The following HTN3 variants were observed in gnomAD, a reference collection of about 807,000 sequenced individuals.
HTN3 encodes histatin 3.
In HTN3, 15 loss-of-function variants were observed where a neutral mutation model predicts 10.6. That is an observed-to-expected ratio of 1.42 (90% CI 0.95 to 2.18). The LOEUF is 2.18. Ranked by LOEUF, HTN3 falls within the 30% of genes most tolerant of loss-of-function variation. The pLI is 0.00. For synonymous variants in HTN3, 15 were observed against 16.9 expected (o/e 0.89, Z 0.27); for missense variants, 68 against 58.0 (o/e 1.17, Z -0.56).
intron 2 of HTN3, among the ~76,000 whole-genome samples, chr4:70,031,760 A>G (rs1373202969): frequency 6.6e-6 from 1 of 152,058 alleles, no homozygotes; most frequent in Admixed American, 6.5e-5. Flanking sequence ...ATAAACCAAA[A>G]TGAGTTGATA....
At chr4:70,030,566 A>C (rs965847231) in intron 1 of HTN3, among the ~76,000 whole-genome samples, 162 bp from the exon 2 acceptor site, 8 of 152,202 alleles carry the variant, frequency 5.3e-5, no homozygotes, top group African/African-American at 9.6e-5. Context: ...GCTTGAGCCC[A>C]GGTGGTCCAG....
chr4:70,036,514 T>C lies in HTN3; in HGVS notation c.*281T>C, dbSNP rs1241497663. The stretch of plus-strand genomic sequence containing the variant: ...GAAATTCATTCCTCTCCAAAAGCAA[T>C]AAAATTCAAGCACATTATTATGTGT... On this transcript the variant is annotated 3_prime_UTR_variant, in exon 6 of 6. Coordinates refer to ENST00000673563, the MANE Select transcript of HTN3 (RefSeq NM_000200.3). 1 of 152,230 alleles carries C rather than the reference T, an allele frequency of 6.6e-6. No homozygotes were observed. The highest frequency in any genetic ancestry group is 1.5e-5 in the Non-Finnish European group (1 of 68,036). The allele number at this position is 152,230 out of a possible 1,614,324, so 9.4% of individuals were successfully genotyped here.
At chr4:70,033,295 A>G in intron 5 of HTN3, 42 bp downstream of exon 5, 1 of 891,882 alleles carries the variant, frequency 1.1e-6, no homozygotes, top group Non-Finnish European at 1.8e-6. Flanking sequence ...AAGTATCAAC[A>G]CTGACAGTTA....
rs934064251 is a variant in HTN3 at position 70,036,394 on chromosome 4, T to A, written c.*161T>A. The A allele has an allele frequency of 1.3e-5, 2 of 152,176 alleles. No individual in the cohort carries two copies. Among genetic ancestry groups the A allele is most frequent in the Non-Finnish European group, 2.9e-5 (2 of 68,024 alleles). The allele number at this position is 152,176 out of a possible 1,614,324, so 9.4% of individuals were successfully genotyped here. A position where few individuals can be genotyped will look rare whatever the true frequency, so the allele number is the denominator to read the frequency against. On this transcript the variant is annotated 3_prime_UTR_variant, in exon 6 of 6. Transcript: ENST00000673563. ...AAAGAAATACCATGATTTAGTGAATTCTGTGTTTCAGGATACTTCCCTTCC... is the reference window on the plus strand; with the variant it reads ...AAAGAAATACCATGATTTAGTGAATACTGTGTTTCAGGATACTTCCCTTCC...
At chr4:70,029,129 T>G (rs532557682) in intron 1 of HTN3, among the ~76,000 whole-genome samples, 1 of 152,136 alleles carries the variant, frequency 6.6e-6, no homozygotes, top group Admixed American at 6.5e-5. Flanking sequence ...GGGAAATATG[T>G]TTTTCAAAAC....
At chr4:70,034,467 AATC>A (rs1725461315) in intron 5 of HTN3, 1 of 152,170 alleles carries the variant, frequency 6.6e-6, no homozygotes, top group East Asian at 1.9e-4. Context: ...TCAACATCAC[AATC>A]ATTAGAGAAA....
intron 1 of HTN3, 70 bp from the exon 2 acceptor site, chr4:70,030,658 A>T (rs1298755153): frequency 2.0e-6 from 2 of 1,022,508 alleles, no homozygotes; most frequent in Non-Finnish European, 3.1e-6. Flanking sequence ...GCATAGTGTC[A>T]TCAGTAGAAG....
chr4:70,029,552 A>T (rs908484660), intron 1 of HTN3, among the ~76,000 whole-genome samples: 7 of 151,584 alleles, frequency 4.6e-5, no homozygotes, highest in African/African-American at 7.3e-5. Flanking sequence ...AAAATTTTTT[A>T]AAATATTATC....
intron 1 of HTN3, among the ~76,000 whole-genome samples, chr4:70,030,080 C>A (rs1282050866): frequency 6.6e-6 from 1 of 152,092 alleles, no homozygotes; most frequent in Non-Finnish European, 1.5e-5. Context: ...GTCACAACAA[C>A]CTAAGTGGTC....
chr4:70,035,036 TG>T (rs1578175505), intron 5 of HTN3, among the ~76,000 whole-genome samples: 1 of 151,714 alleles, frequency 6.6e-6, no homozygotes. Context: ...ACACCAGGGA[TG>T]GGGGGTAGGA....
At chr4:70,030,909 A>G in intron 2 of HTN3, 118 bp downstream of exon 2, 3 of 787,176 alleles carry the variant, frequency 3.8e-6, no homozygotes, top group Non-Finnish European at 6.3e-6. Flanking sequence ...TAATATTTCT[A>G]TGTAAAGATT....
chr4:70,030,762 T>G lies in HTN3; in HGVS notation c.22T>G (p.Leu8Val). Residue 8 changes from leucine (L) to valine (V), a missense_variant, in exon 2 of 6, where the codon TTA (leucine) becomes GTA (valine). Physicochemically the swap from Leu to Val is conservative, Grantham distance 32. Coordinates refer to ENST00000673563, the MANE Select transcript of HTN3 (RefSeq NM_000200.3). MKFFVFA[L>V]ILALMLSMTG... ...AACTATGAAGTTTTTTGTTTTTGCT[T>G]TAATCTTGGCTCTCATGCTTTCCAT... The G allele has an allele frequency of 6.2e-7, 1 of 1,612,724 alleles. No individual in the cohort carries two copies. Among genetic ancestry groups the G allele is most frequent in the Non-Finnish European group, 8.5e-7 (1 of 1,178,944 alleles).
intron 4 of HTN3, 96 bp downstream of exon 4, chr4:70,032,203 T>C: frequency 2.4e-6 from 2 of 834,104 alleles, no homozygotes; most frequent in Non-Finnish European, 3.8e-6. Flanking sequence ...CAAATATATT[T>C]ATATCATTAA....
intron 1 of HTN3, among the ~76,000 whole-genome samples, chr4:70,029,931 C>T (rs888202971): frequency 6.6e-6 from 1 of 152,152 alleles, no homozygotes; most frequent in Non-Finnish European, 1.5e-5. Context: ...CTGTGCTATT[C>T]TTTAATAGAA....
intron 4 of HTN3, 33 bp downstream of exon 4, chr4:70,032,140 T>TTTCA: frequency 7.3e-7 from 1 of 1,379,140 alleles, no homozygotes. Context: ...GCACTCTGAA[T>TTTCA]AAGTTTTCTT....
rs769430626 is a variant in HTN3 at position 70,033,252 on chromosome 4, A to T, written c.*32A>T. ...CAGTAATCACGGGGCATGATTATGG[A>T]GGTAAGCTGACTCTAGTTACTTTTC... On this transcript the variant is annotated splice_region_variant and 3_prime_UTR_variant, in exon 5 of 6. Coordinates refer to ENST00000673563, the MANE Select transcript of HTN3 (RefSeq NM_000200.3). The T allele has an allele frequency of 7.4e-7, 1 of 1,353,232 alleles. No individual in the cohort carries two copies. The highest frequency in any genetic ancestry group is 1.0e-6 in the Non-Finnish European group (1 of 955,266). The allele number at this position is 1,353,232 out of a possible 1,614,324, so 83.8% of individuals were successfully genotyped here.
At chr4:70,035,942 A>C (rs1199820575) in intron 5 of HTN3, among the ~76,000 whole-genome samples, 1 of 152,182 alleles carries the variant, frequency 6.6e-6, no homozygotes, top group Non-Finnish European at 1.5e-5. Context: ...AGGGGAGGAT[A>C]TAGGTAAAAT....
chr4:70,035,571 T>C (rs1245607329), intron 5 of HTN3, among the ~76,000 whole-genome samples: 1 of 152,166 alleles, frequency 6.6e-6, no homozygotes, highest in East Asian at 1.9e-4. Flanking sequence ...CCTAAGTAAC[T>C]CTAATGAGCA....
intron 5 of HTN3, among the ~76,000 whole-genome samples, chr4:70,034,749 G>C (rs1318553489): frequency 4.6e-5 from 7 of 152,100 alleles, no homozygotes; most frequent in East Asian, 3.8e-4. Context: ...CATATGCCTA[G>C]ATATGTTTAT....
Sources: gnomAD v4.1 joint callset for allele counts (sites outside exome capture counted in the v4.1 genomes callset) on GRCh38, gnomAD v4.1.1 for gene constraint, MANE v1.5 for transcripts, NCBI Gene and HGNC (gene_info 2026-07-23, HGNC 2026-07-21) for gene names.